LPO: variants seen among roughly 807,000 people sequenced by gnomAD.
The protein encoded by LPO is lactoperoxidase, also known as salivary peroxidase.
Under a neutral mutation model 68.4 loss-of-function variants are expected in LPO, and 70 were observed. The ratio of observed to expected loss-of-function variants is 1.02; its 90% confidence interval spans 0.84 to 1.25. The LOEUF is 1.25. Ranked by LOEUF, LPO falls within the 50% of genes most tolerant of loss-of-function variation. The probability of loss-of-function intolerance (pLI) is 0.00; values close to 1 mark genes in which losing one functional copy is unlikely to be tolerated. For synonymous variants in LPO, 360 were observed against 357.6 expected (o/e 1.01, Z -0.08); for missense variants, 873 against 908.4 (o/e 0.96, Z 0.50).
intron 4 of LPO, 121 bp downstream of exon 4, chr17:58,247,759 C>T: frequency 8.9e-7 from 1 of 1,128,106 alleles, no homozygotes; most frequent in East Asian, 2.4e-5. Flanking sequence ...ACACTCCTGT[C>T]TCTCCCTTCT....
At chr17:58,249,826 C>A in intron 6 of LPO, 131 bp downstream of exon 6, 2 of 1,278,906 alleles carry the variant, frequency 1.6e-6, no homozygotes, top group Non-Finnish European at 2.1e-6. Context: ...TCTGCACAGA[C>A]CCCCACCTTC....
intron 1 of LPO, among the ~76,000 whole-genome samples, chr17:58,240,794 A>G (rs1011663302): frequency 2.0e-5 from 3 of 152,186 alleles, no homozygotes; most frequent in Non-Finnish European, 2.9e-5. Flanking sequence ...GTCTTTTTAA[A>G]AAATGGACTA....
intron 9 of LPO, among the ~76,000 whole-genome samples, chr17:58,255,494 T>C (rs1970054289): frequency 6.6e-6 from 1 of 152,012 alleles, no homozygotes; most frequent in African/African-American, 2.4e-5. Flanking sequence ...TATATTGCAA[T>C]AGGAGGGGGG....
chr17:58,249,593 C>T lies in LPO; in HGVS notation c.471C>T (p.Asn157=), dbSNP rs867375481. The change falls in exon 6 of 13, where the codon AAC becomes AAT. Residue 157 remains asparagine (N), a synonymous_variant. Coordinates refer to ENST00000262290, the MANE Select transcript of LPO (RefSeq NM_006151.3). ...NRRKPALGAA[N]RALARWLPAE... ...GGAAGCCTGCGCTGGGCGCCGCCAA[C>T]AGGGCTCTGGCGCGCTGGCTGCCCG... is the stretch of plus-strand genomic sequence containing the variant. 6 of 1,604,122 alleles carry T rather than the reference C, an allele frequency of 3.7e-6. No individual in the cohort carries two copies. The highest frequency in any genetic ancestry group is 4.2e-6 in the Non-Finnish European group (5 of 1,179,252).
At chr17:58,255,032 C>T in intron 9 of LPO, 61 bp downstream of exon 9, 2 of 1,565,000 alleles carry the variant, frequency 1.3e-6, no homozygotes, top group East Asian at 2.3e-5. Context: ...TGGCTCTGCC[C>T]TCTGCTGGCT....
chr17:58,265,254 T>C (rs1309739552), intron 10 of LPO, among the ~76,000 whole-genome samples: 1 of 152,176 alleles, frequency 6.6e-6, no homozygotes, highest in Non-Finnish European at 1.5e-5. Flanking sequence ...ATTCTTTCTT[T>C]CCTCTTGGCT....
chr17:58,264,593 TA>T, intron 9 of LPO, 128 bp from the exon 10 acceptor site: 1 of 855,832 alleles, frequency 1.2e-6, no homozygotes, highest in South Asian at 1.6e-5. Context: ...ACTGGGCACA[TA>T]TGCTATCCAT....
At chr17:58,257,958 C>T (rs1018117677) in intron 9 of LPO, among the ~76,000 whole-genome samples, 1 of 152,134 alleles carries the variant, frequency 6.6e-6, no homozygotes, top group East Asian at 1.9e-4. Flanking sequence ...CTATTCAAAT[C>T]TTTTGCCTAT....
rs1173168819 is a variant in LPO, at chr17:58,254,736, A to G, written c.1106-75A>G. The G allele has an allele frequency of 2.0e-6, 3 of 1,510,788 alleles. 1 individual carries two copies. The highest frequency in any genetic ancestry group is 4.5e-5 in the East Asian group (2 of 44,038). 93.6% of individuals were successfully genotyped at this position (1,510,788 alleles called of 1,614,324 possible). Reference sequence around the variant, plus strand: ...GCGGGGCGCGGTCCTGTGGGGCACCATCATTTCTTTGTGCAGGTTACTGGG... The same window carrying G: ...GCGGGGCGCGGTCCTGTGGGGCACCGTCATTTCTTTGTGCAGGTTACTGGG... On this transcript the variant is annotated intron_variant, in intron 8 of 12. Coordinates refer to ENST00000262290, the MANE Select transcript of LPO (RefSeq NM_006151.3).
At chr17:58,245,738 A>G (rs770152733) in intron 3 of LPO, among the ~76,000 whole-genome samples, 2 of 152,118 alleles carry the variant, frequency 1.3e-5, no homozygotes, top group South Asian at 2.1e-4. Flanking sequence ...GAGGAGCCCC[A>G]TGGTGTTGGG....
intron 1 of LPO, among the ~76,000 whole-genome samples, chr17:58,242,434 TG>T (rs1239980393): frequency 2.0e-5 from 3 of 152,188 alleles, no homozygotes; most frequent in African/African-American, 7.2e-5. Flanking sequence ...GCTGAGTGTC[TG>T]CCTCTCAGGC....
chr17:58,258,390 G>A lies in LPO; in HGVS notation c.1266+3419G>A, dbSNP rs373625231. Among the ~76,000 whole-genome samples the A allele has an allele frequency of 5.3e-5, 8 of 152,286 alleles. No individual in the cohort carries two copies. In the East Asian group the frequency reaches 1.3e-3, roughly 26 times the overall value. On this transcript the variant is annotated intron_variant, in intron 9 of 12. Coordinates refer to ENST00000262290, the MANE Select transcript of LPO (RefSeq NM_006151.3). Reference sequence around the variant, plus strand: ...TCCAGTTTTCCCAGCACCATTTATTGAAGAGACTGTCTTTTCCCCAGTATA... The same window carrying A: ...TCCAGTTTTCCCAGCACCATTTATTAAAGAGACTGTCTTTTCCCCAGTATA...
chr17:58,254,946 G>A lies in LPO; in HGVS notation c.1241G>A (p.Arg414Gln), dbSNP rs8178355. 310 of 1,614,024 alleles carry A rather than the reference G, an allele frequency of 1.9e-4. No homozygotes were observed. The Admixed American group carries it at 4.3e-3, about 22-fold the overall frequency. Residue 414 changes from arginine to glutamine, a missense_variant, in exon 9 of 13, where the codon CGG becomes CAG. By Grantham distance (43) the Arg-to-Gln change is conservative. Transcript: ENST00000262290. ...GGAGAGAAGCTCTACCAGGAAGCCC[G>A]GAAAATCCTGGGAGCCTTCGTGCAG... is the stretch of plus-strand genomic sequence containing the variant. ...WDGEKLYQEA[R>Q]KILGAFVQII...
intron 9 of LPO, 88 bp downstream of exon 9, chr17:58,255,059 TCTC>T: frequency 7.2e-7 from 1 of 1,394,674 alleles, no homozygotes; most frequent in Non-Finnish European, 9.8e-7. Flanking sequence ...CCTCAGGCTC[TCTC>T]CTCTGTTCCC....
chr17:58,241,125 C>CTTTTTTTTTTT (rs1161572564), intron 1 of LPO, among the ~76,000 whole-genome samples: 127 of 91,268 alleles, frequency 1.4e-3, no homozygotes, highest in Non-Finnish European at 1.8e-3. Context: ...TTTCTTTTTT[C>CTTTTTTTTTTT]TTTTTTTTTT....
rs1969702805 is a variant in LPO at position 58,238,637 on chromosome 17, T to C, written c.-105T>C. On this transcript the variant is annotated 5_prime_UTR_variant, in exon 1 of 13. Transcript: ENST00000262290. ...CAAGCCACATCAAAATCTTTCCTTC[T>C]GGGCCTTTCCCAGAAGTGAATTCTT... The C allele has an allele frequency of 6.6e-6, 1 of 152,322 alleles. No homozygotes were observed. The highest frequency in any genetic ancestry group is 1.9e-4 in the East Asian group (1 of 5,168). 9.4% of individuals were successfully genotyped at this position (152,322 alleles called of 1,614,324 possible). A position where few individuals can be genotyped will look rare whatever the true frequency, so the allele number is the denominator to read the frequency against.
At chr17:58,255,435 A>G (rs1970052700) in intron 9 of LPO, among the ~76,000 whole-genome samples, 1 of 152,246 alleles carries the variant, frequency 6.6e-6, no homozygotes, top group Admixed American at 6.5e-5. Context: ...GATATTAACC[A>G]TGCACATATT....
chr17:58,248,370 G>A (rs1007708290), intron 4 of LPO, among the ~76,000 whole-genome samples: 9 of 152,186 alleles, frequency 5.9e-5, no homozygotes, highest in South Asian at 4.1e-4. Flanking sequence ...CAAAAGGTTC[G>A]GAGAGCTGAA....
intron 8 of LPO, among the ~76,000 whole-genome samples, chr17:58,254,192 G>GATAGATAT (rs1567819963): frequency 6.6e-6 from 1 of 151,928 alleles, no homozygotes; most frequent in Admixed American, 6.6e-5. Flanking sequence ...TAGATAGATA[G>GATAGATAT]ACTCTCCTAA....
Sources: gnomAD v4.1 joint callset for allele counts (sites outside exome capture counted in the v4.1 genomes callset) on GRCh38, gnomAD v4.1.1 for gene constraint, MANE v1.5 for transcripts, NCBI Gene and HGNC (gene_info 2026-07-23, HGNC 2026-07-21) for gene names.